The following RSAD2 variants were observed in gnomAD, a reference collection of about 807,000 sequenced individuals.
RSAD2 encodes S-adenosylmethionine-dependent nucleotide dehydratase RSAD2.
RSAD2 carries 38 observed loss-of-function variants against 37.7 expected under a neutral mutation model. The ratio of observed to expected loss-of-function variants is 1.01; its 90% CI spans 0.78 to 1.32. RSAD2 has a LOEUF of 1.32. Among genes scored for constraint, RSAD2 ranks in the 40% most tolerant of loss-of-function variants. RSAD2 has a pLI of 0.00. For synonymous variants in RSAD2, 163 were observed against 157.4 expected (o/e 1.04, Z -0.27); for missense variants, 428 against 437.5 (o/e 0.98, Z 0.19).
At chr2:6,883,337 T>G in intron 1 of RSAD2, 34 bp from the exon 2 acceptor site, 1 of 1,598,326 alleles carries the variant, frequency 6.3e-7, no homozygotes, top group Non-Finnish European at 8.6e-7. Flanking sequence ...TGTATATTTG[T>G]GAAGTGGTAA....
At chr2:6,881,673 G>T (rs1184620829) in intron 1 of RSAD2, among the ~76,000 whole-genome samples, 1 of 152,214 alleles carries the variant, frequency 6.6e-6, no homozygotes. Flanking sequence ...ATGCAGGCAG[G>T]CAGGTGTATG....
chr2:6,869,278 G>A (rs1663163724), intron 1 of RSAD2, among the ~76,000 whole-genome samples: 1 of 152,088 alleles, frequency 6.6e-6, no homozygotes, highest in Non-Finnish European at 1.5e-5. Context: ...GCCCAGTTGG[G>A]AGTCTAACAT....
At position 6,878,094 on chromosome 2, in the gene RSAD2, T is replaced by C. The variant is rs1456689317; in HGVS notation, c.294T>C (p.Phe98=). 2.5e-6 allele frequency: 4 copies of C among 1,614,068 alleles called. No individual in the cohort carries two copies. The highest frequency in any genetic ancestry group is 2.7e-5 in the African/African-American group (2 of 74,918). ...GFCFHTAKTS[F]VLPLEEAKRG... ...GTTTCCACACAGCCAAAACATCCTT[T>C]GTGCTGCCCCTTGAGGAAGCAAAGA... The change falls in exon 1 of 6, where the codon TTT becomes TTC. Residue 98 remains phenylalanine (F), a synonymous_variant. Coordinates refer to ENST00000382040, the MANE Select transcript of RSAD2 (RefSeq NM_080657.5).
chr2:6,895,419 A>G (rs1054214809), intron 5 of RSAD2, among the ~76,000 whole-genome samples: 2 of 152,208 alleles, frequency 1.3e-5, no homozygotes, highest in African/African-American at 2.4e-5. Flanking sequence ...CTGTGCTTTT[A>G]TGATACCATT....
At chr2:6,882,307 G>C (rs1663421510) in intron 1 of RSAD2, among the ~76,000 whole-genome samples, 2 of 152,176 alleles carry the variant, frequency 1.3e-5, no homozygotes, top group East Asian at 3.9e-4. Flanking sequence ...ATTGCAGAGA[G>C]ATAAGAGAAA....
rs116672403 is a variant in RSAD2, at chr2:6,868,338, A to G, written c.142+2293A>G. On this transcript the variant is annotated intron_variant, in intron 1 of 5. Coordinates refer to the RSAD2 transcript ENST00000442639. ...ATATGTTTCTAGGTAGTTTAATTCA[A>G]TTGGAAAAAGAAAGAAAATGCAAAT... Among the ~76,000 whole-genome samples the G allele has an allele frequency of 7.0e-3, 1,071 of 152,334 alleles. 7 individuals are homozygous for G. Among genetic ancestry groups the G allele is most frequent in the African/African-American group, 0.024 (1,006 of 41,582 alleles).
At chr2:6,868,539 C>A (rs559131229) in intron 1 of RSAD2, among the ~76,000 whole-genome samples, 1 of 152,272 alleles carries the variant, frequency 6.6e-6, no homozygotes, top group South Asian at 2.1e-4. Flanking sequence ...AACTCTGTAA[C>A]CCAAATCCTA....
chr2:6,873,254 A>C (rs1005146350), upstream of RSAD2, among the ~76,000 whole-genome samples: 1 of 152,204 alleles, frequency 6.6e-6, no homozygotes, highest in Non-Finnish European at 1.5e-5. Context: ...TGTTCCATGT[A>C]ACCAGGAAGC....
chr2:6,866,849 G>A (rs1244082730), intron 1 of RSAD2, among the ~76,000 whole-genome samples: 4 of 151,122 alleles, frequency 2.6e-5, no homozygotes, highest in Admixed American at 2.6e-4. Context: ...AATAGTATTG[G>A]ACTTAAACTT....
upstream of RSAD2, among the ~76,000 whole-genome samples, chr2:6,874,187 C>G (rs1001550167): frequency 1.1e-4 from 16 of 152,122 alleles, no homozygotes; most frequent in Non-Finnish European, 2.4e-4. Flanking sequence ...TCTTCTCCCC[C>G]TTTTCCTTCT....
intron 1 of RSAD2, among the ~76,000 whole-genome samples, chr2:6,879,974 A>G (rs1394102769): frequency 1.3e-5 from 2 of 152,178 alleles, no homozygotes; most frequent in Admixed American, 1.3e-4. Context: ...GATAATAATG[A>G]TAACTGATAA....
upstream of RSAD2, among the ~76,000 whole-genome samples, chr2:6,875,390 C>T (rs1663264620): frequency 6.6e-6 from 1 of 152,154 alleles, no homozygotes; most frequent in African/African-American, 2.4e-5. Context: ...TTGGAGAAAA[C>T]TCATCAGAGC....
chr2:6,894,894 AATTT>A (rs958698519), intron 5 of RSAD2, among the ~76,000 whole-genome samples: 4 of 152,244 alleles, frequency 2.6e-5, no homozygotes, highest in Non-Finnish European at 5.9e-5. Context: ...AAATTCAAAC[AATTT>A]ATTTTTGGAG....
At chr2:6,882,945 T>A (rs1663444058) in intron 1 of RSAD2, among the ~76,000 whole-genome samples, 1 of 152,030 alleles carries the variant, frequency 6.6e-6, no homozygotes, top group Non-Finnish European at 1.5e-5. Flanking sequence ...AAAGGGATTC[T>A]CCAAAATAAG....
chr2:6,889,529 T>TG (rs1485222101), intron 3 of RSAD2, among the ~76,000 whole-genome samples: 1 of 152,228 alleles, frequency 6.6e-6, no homozygotes, highest in East Asian at 1.9e-4. Context: ...CCTTTAGATC[T>TG]GGGTTTGTCC....
At chr2:6,872,904 T>G (rs1663224204), upstream of RSAD2, among the ~76,000 whole-genome samples, 1 of 152,220 alleles carries the variant, frequency 6.6e-6, no homozygotes, top group Non-Finnish European at 1.5e-5. Flanking sequence ...GGTTTTAATT[T>G]TTAATTTGCA....
chr2:6,876,684 A>G (rs146855376), upstream of RSAD2: 2 of 152,288 alleles, frequency 1.3e-5, no homozygotes, highest in East Asian at 3.9e-4. Context: ...AATTTTTTTT[A>G]AGTAAAATAA....
intron 2 of RSAD2, among the ~76,000 whole-genome samples, chr2:6,885,530 G>T (rs1663500716): frequency 6.6e-6 from 1 of 152,182 alleles, no homozygotes; most frequent in Non-Finnish European, 1.5e-5. Flanking sequence ...GATTGGCCAA[G>T]ATTCCACCAT....
intron 1 of RSAD2, among the ~76,000 whole-genome samples, chr2:6,881,921 C>A (rs1174260039): frequency 6.6e-6 from 1 of 151,808 alleles, no homozygotes; most frequent in Non-Finnish European, 1.5e-5. Context: ...AGACCCCATC[C>A]TCCTAAAATG....
Sources: allele counts gnomAD v4.1 joint callset (sites outside exome capture counted in the v4.1 genomes callset), GRCh38; gene constraint gnomAD v4.1.1; transcripts MANE v1.5; gene names NCBI Gene and HGNC (gene_info 2026-07-23, HGNC 2026-07-21).